CASP6: variants seen among roughly 807,000 people sequenced by gnomAD.
The protein encoded by CASP6 is caspase-6.
CASP6 carries 20 observed loss-of-function variants against 31.8 expected under a neutral mutation model. That is an observed-to-expected ratio of 0.63 (90% confidence interval 0.44 to 0.91). CASP6 has a LOEUF of 0.91. CASP6 is among the 40% of genes least tolerant of loss of function. The pLI is 0.00. For missense variants in CASP6, 328 were observed against 361.1 expected, an observed-to-expected ratio of 0.91 and a Z score of 0.74; for synonymous variants, 130 against 127.8, an observed-to-expected ratio of 1.02 and a Z score of -0.12.
At chr4:109,706,677 T>A (rs1730627326), upstream of CASP6, among the ~76,000 whole-genome samples, 1 of 152,114 alleles carries the variant, frequency 6.6e-6, no homozygotes, top group Non-Finnish European at 1.5e-5. Context: ...ATGCCTGTAA[T>A]CCCAGGACTT....
At position 109,689,553 on chromosome 4, in the gene CASP6, C is replaced by G; in HGVS notation, c.659G>C (p.Arg220Pro). ...GTACCATGAGCCGTTCACAGTTTCC[C>G]GGTGAGAATAATATCCTAAAAAAGT... ...YSVAEGYYSH[R>P]ETVNGSWYIQ... The change falls in exon 7 of 7, where the codon CGG becomes CCG. Residue 220 changes from arginine (R) to proline (P), a missense_variant. Physicochemically the swap from Arg to Pro is moderately radical, Grantham distance 103. Coordinates refer to ENST00000265164, the MANE Select transcript of CASP6 (RefSeq NM_001226.4). The G allele has an allele frequency of 1.2e-6, 2 of 1,614,012 alleles. No individual in the cohort carries two copies. Among genetic ancestry groups the G allele is most frequent in the Non-Finnish European group, 1.7e-6 (2 of 1,179,954 alleles).
upstream of CASP6, chr4:109,703,604 C>CCGCGGGGACCAAGAG: frequency 1.6e-6 from 1 of 610,660 alleles, no homozygotes; most frequent in Non-Finnish European, 2.8e-6. Context: ...GCTCCGGAGC[C>CCGCGGGGACCAAGAG]CGCGGGGACC....
At chr4:109,684,670 G>GT (rs757554927), downstream of CASP6, 6 of 1,131,068 alleles carry the variant, frequency 5.3e-6, no homozygotes, top group Non-Finnish European at 6.6e-6. Context: ...TAGGAAAATG[G>GT]TAAGTTAGAA....
intron 4 of CASP6, among the ~76,000 whole-genome samples, chr4:109,695,387 C>T (rs1332659896): frequency 6.6e-6 from 1 of 152,120 alleles, no homozygotes; most frequent in African/African-American, 2.4e-5. Flanking sequence ...CAGCAGAGAC[C>T]TTAGAGCAGA....
chr4:109,682,472 C>A, the CASP6 span: 1 of 850,516 alleles, frequency 1.2e-6, no homozygotes, highest in Non-Finnish European at 1.9e-6. Flanking sequence ...AGCTTCCTTA[C>A]CCTGTGGATC....
chr4:109,693,742 ATT>A (rs1181800373), intron 5 of CASP6, among the ~76,000 whole-genome samples: 6 of 139,560 alleles, frequency 4.3e-5, no homozygotes, highest in Admixed American at 7.2e-5. Flanking sequence ...AAAAAAAAAA[ATT>A]TTTTTTTTTT....
chr4:109,689,505 A>C lies in CASP6; in HGVS notation c.707T>G (p.Leu236Trp), dbSNP rs1312553754. 7 of 1,614,080 alleles carry C rather than the reference A, an allele frequency of 4.3e-6. No homozygotes were observed. Among genetic ancestry groups the C allele is most frequent in the Non-Finnish European group, 5.9e-6 (7 of 1,180,046 alleles). Residue 236 changes from leucine to tryptophan, a missense_variant, in exon 7 of 7, where the codon TTG (leucine) becomes TGG (tryptophan). Physicochemically the swap from Leu to Trp is moderately conservative, Grantham distance 61. Transcript: ENST00000265164. ...SWYIQDLCEM[L>W]GKYGSSLEFT... ...CTCTAAGGAGGAGCCATATTTTCCC[A>C]ACATCTCACACAAATCTTGAATGTA...
At chr4:109,686,481 A>G (rs1037824866), downstream of CASP6, among the ~76,000 whole-genome samples, 3 of 152,206 alleles carry the variant, frequency 2.0e-5, no homozygotes, top group Admixed American at 6.5e-5. Flanking sequence ...TAGTCATTCT[A>G]TAGGAAAAAT....
chr4:109,684,919 CTG>C (rs1729803266), downstream of CASP6: 4 of 372,480 alleles, frequency 1.1e-5, no homozygotes, highest in Non-Finnish European at 1.9e-5. Flanking sequence ...ATAAAAAAAA[CTG>C]AATTTGCATT....
Position 109,703,342 on chromosome 4 carries a change from C to A in CASP6, c.40+14G>T. ...GCAGACCTGCTCGGTGCCCAGTCGA[C>A]GCCCCCTGCCTACCTGCCGGGTGCC... On this transcript the variant is annotated intron_variant, in intron 1 of 6. Transcript: ENST00000265164. The A allele has an allele frequency of 1.2e-6, 2 of 1,606,322 alleles. No homozygotes were observed. Among genetic ancestry groups the A allele is most frequent in the South Asian group, 1.1e-5 (1 of 89,246 alleles).
At chr4:109,679,001 C>T in the CASP6 span, among the ~76,000 whole-genome samples, 6 of 149,768 alleles carry the variant, frequency 4.0e-5, no homozygotes, top group African/African-American at 1.2e-4. Context: ...ACAGTCCTCA[C>T]TTCCTAGATG....
downstream of CASP6, chr4:109,685,373 CT>C (rs758568547): frequency 8.4e-7 from 1 of 1,197,174 alleles, no homozygotes; most frequent in South Asian, 1.2e-5. Flanking sequence ...CTAAGGTATA[CT>C]ACAAATACAT....
the CASP6 span, among the ~76,000 whole-genome samples, chr4:109,668,782 C>G: frequency 6.6e-6 from 1 of 150,398 alleles, no homozygotes; most frequent in Non-Finnish European, 1.5e-5. Context: ...TTCATTTTCT[C>G]TCCTTTTCCA....
the CASP6 span, among the ~76,000 whole-genome samples, chr4:109,677,424 G>A: frequency 6.6e-6 from 1 of 152,314 alleles, no homozygotes; most frequent in East Asian, 1.9e-4. Context: ...TTGGGATGGA[G>A]TGAATGTATT....
Position 109,691,019 on chromosome 4 carries a change from AAGG to A in CASP6, c.484-13_484-11del. The A allele has an allele frequency of 6.2e-7, 1 of 1,603,598 alleles. No individual in the cohort carries two copies. Among genetic ancestry groups the A allele is most frequent in the Non-Finnish European group, 8.5e-7 (1 of 1,174,938 alleles). On this transcript the variant is annotated splice_polypyrimidine_tract_variant and intron_variant, in intron 5 of 6. Coordinates refer to ENST00000265164, the MANE Select transcript of CASP6 (RefSeq NM_001226.4). ...GGTTTCCCCGACATGCCTACAAGAC[AAGG>A]AGGAAAAACCCACCTCTTTGCCTAC...
Position 109,689,542 on chromosome 4 carries a change from TCA to T in CASP6, c.668_669del (p.Val223GlufsTer11), listed in dbSNP as rs951710682. ...AAATCTTGAATGTACCATGAGCCGT[TCA>T]CAGTTTCCCGGTGAGAATAATATCC... ...AEGYYSHRET[V>X]NGSWYIQDLC... On this transcript the variant is annotated frameshift_variant, in exon 7 of 7. Coordinates refer to ENST00000265164, the MANE Select transcript of CASP6 (RefSeq NM_001226.4). LOFTEE classifies it high-confidence loss of function. 1.7e-5 allele frequency: 28 copies of T among 1,614,048 alleles called. No homozygotes were observed. Among genetic ancestry groups the T allele is most frequent in the Middle Eastern group, 1.6e-4 (1 of 6,084 alleles).
At chr4:109,701,347 GT>G (rs1255194081) in intron 1 of CASP6, among the ~76,000 whole-genome samples, 3 of 152,152 alleles carry the variant, frequency 2.0e-5, no homozygotes, top group African/African-American at 7.2e-5. Flanking sequence ...GAGCTACCCT[GT>G]ATAACAGATA....
chr4:109,694,542 T>C lies in CASP6; in HGVS notation c.466A>G (p.Lys156Glu). Residue 156 changes from lysine to glutamate, a missense_variant, in exon 5 of 7, where the codon AAG (lysine) becomes GAG (glutamate). Lys to Glu is a moderately conservative substitution (Grantham distance 56). Transcript: ENST00000265164. ...DKCHSLVGKP[K>E]IFIIQACRGN... is the part of the protein sequence containing the mutation. ...AGTCTTACCTGAATGATAAATATCT[T>C]GGGTTTTCCAACCAGGCTGTGACAC... The C allele has an allele frequency of 2.5e-6, 4 of 1,602,984 alleles. No individual in the cohort carries two copies. Among genetic ancestry groups the C allele is most frequent in the Middle Eastern group, 1.7e-4 (1 of 6,028 alleles).
upstream of CASP6, chr4:109,703,636 G>C: frequency 1.8e-6 from 1 of 566,152 alleles, no homozygotes. Flanking sequence ...GGCAGGGAGA[G>C]GTACGCGGTC....
Sources: gnomAD v4.1 joint callset for allele counts (sites outside exome capture counted in the v4.1 genomes callset) on GRCh38, gnomAD v4.1.1 for gene constraint, MANE v1.5 for transcripts, NCBI Gene and HGNC (gene_info 2026-07-23, HGNC 2026-07-21) for gene names.